MAG: variants seen among roughly 807,000 people sequenced by gnomAD.
The protein encoded by MAG is myelin associated glycoprotein, also known as myelin-associated glycoprotein.
Under a neutral mutation model 60.7 loss-of-function variants are expected in MAG, and 30 were observed. The observed-to-expected ratio is 0.49, with a 90% CI of 0.37 to 0.67. The LOEUF is 0.67. Among genes scored for constraint, MAG ranks in the 30% least tolerant of loss-of-function variants. The pLI is 0.00. For missense variants in MAG, 795 were observed against 851.7 expected (o/e 0.93, Z 0.83); for synonymous variants, 384 against 376.8 (o/e 1.02, Z -0.22).
At chr19:35,308,964 C>T (rs1276492084) in intron 7 of MAG, among the ~76,000 whole-genome samples, 2 of 152,128 alleles carry the variant, frequency 1.3e-5, no homozygotes, top group Non-Finnish European at 2.9e-5. Context: ...CAGGGCCAGA[C>T]CCTGTCTCTA....
chr19:35,292,508 G>C (rs988803666), intron 1 of MAG, among the ~76,000 whole-genome samples: 11 of 152,114 alleles, frequency 7.2e-5, no homozygotes, highest in Non-Finnish European at 1.3e-4. Flanking sequence ...CGGGGCAGAT[G>C]GGGTGGAGGA....
At chr19:35,302,318 G>A (rs1394701398) in intron 6 of MAG, 130 bp from the exon 7 acceptor site, 1 of 1,067,114 alleles carries the variant, frequency 9.4e-7, no homozygotes, top group Non-Finnish European at 1.4e-6. Flanking sequence ...CAGGACTGGG[G>A]TCACCTGAGC....
chr19:35,296,844 A>G (rs2066401763), intron 4 of MAG, among the ~76,000 whole-genome samples: 1 of 150,370 alleles, frequency 6.7e-6, no homozygotes, highest in Non-Finnish European at 1.5e-5. Context: ...ATCACACACT[A>G]CACAAACCAC....
In MAG at chr19:35,302,543, A is replaced by C. The variant is rs200065400; in HGVS notation, c.1066A>C (p.Ile356Leu). 1 of 1,614,216 alleles carries C rather than the reference A, an allele frequency of 6.2e-7. No homozygotes were observed. ...LCSTQSNPDP[I>L]LTIFKEKQIL... ...CTCCACACAGAGCAACCCGGACCCT[A>C]TTCTCACCATCTTCAAGGAGAAGCA... is the stretch of plus-strand genomic sequence containing the variant. Residue 356 changes from isoleucine to leucine, a missense_variant, in exon 7 of 11, where the codon ATT becomes CTT. Physicochemically the swap from Ile to Leu is conservative, Grantham distance 5 (BLOSUM62 2). Transcript: ENST00000392213.
In MAG at chr19:35,313,443, C is replaced by T. The variant is rs754745762; in HGVS notation, c.1870C>T (p.Arg624Trp). Residue 624 changes from arginine to tryptophan, a missense_variant, in exon 11 of 11, where the codon CGG becomes TGG. Arg to Trp is a moderately radical substitution (Grantham distance 101, BLOSUM62 -3). Transcript: ENST00000392213. Reference protein sequence around the residue: ...TEELAEYAEIRVK With the variant: ...TEELAEYAEIWVK ...GGAGCTAGCTGAGTATGCTGAAATCCGGGTCAAGTGAAGGAGCTGGGGGCA... is the reference window on the plus strand; with the variant it reads ...GGAGCTAGCTGAGTATGCTGAAATCTGGGTCAAGTGAAGGAGCTGGGGGCA... 2.0e-5 allele frequency: 32 copies of T among 1,612,298 alleles called. No individual in the cohort carries two copies. Among genetic ancestry groups the T allele is most frequent in the East Asian group, 1.1e-4 (5 of 44,810 alleles).
Position 35,295,326 on chromosome 19 carries a change from C to A in MAG, c.-23-60C>A. On this transcript the variant is annotated intron_variant, in intron 2 of 10. Coordinates refer to ENST00000392213, the MANE Select transcript of MAG (RefSeq NM_002361.4). This position sits in a 1 kb window ranked among gnomAD's most constrained non-coding sequence, Gnocchi z 5.8. ...ATATGAATGGGCCCCTTCCTGAAGC[C>A]CAGATGGAACACCCCCTTTCACTTC... 7.0e-7 allele frequency: 1 copy of A among 1,423,536 alleles called. No individual in the cohort carries two copies. The highest frequency in any genetic ancestry group is 1.2e-5 in the South Asian group (1 of 84,944). 88.2% of individuals were successfully genotyped at this position (1,423,536 alleles called of 1,614,324 possible). A position where few individuals can be genotyped will look rare whatever the true frequency, so the allele number is the denominator to read the frequency against.
intron 1 of MAG, among the ~76,000 whole-genome samples, chr19:35,292,831 C>T (rs1380780753): frequency 6.6e-6 from 1 of 151,974 alleles, no homozygotes; most frequent in African/African-American, 2.4e-5. Context: ...AACTTCTGGG[C>T]ACAAGAGATT....
chr19:35,312,328 A>G, intron 10 of MAG: 3 of 1,612,312 alleles, frequency 1.9e-6, no homozygotes, highest in Non-Finnish European at 2.5e-6. Context: ...CCCAGGAGGT[A>G]GGTTCCGGGG....
In MAG at chr19:35,295,560, G is replaced by A; in HGVS notation, c.47-53G>A. The A allele has an allele frequency of 6.3e-7, 1 of 1,596,810 alleles. No individual in the cohort carries two copies. The highest frequency in any genetic ancestry group is 1.1e-5 in the South Asian group (1 of 88,150). On this transcript the variant is annotated intron_variant, in intron 3 of 10. Transcript: ENST00000392213. This position sits in a 1 kb window ranked among gnomAD's most constrained non-coding sequence, Gnocchi z 5.8. The stretch of plus-strand genomic sequence containing the variant: ...TGTGGTTGGGGATGGGAGCCGGAGG[G>A]GGTGATCGGGTAGGACGTGTCCCTG...
intron 7 of MAG, 44 bp downstream of exon 7, chr19:35,302,752 T>TG (rs765382949): frequency 1.6e-5 from 25 of 1,598,338 alleles, no homozygotes; most frequent in Non-Finnish European, 2.0e-5. Context: ...GACGGTTCCG[T>TG]GGGGGACACC....
Position 35,299,788 on chromosome 19 carries a change from G to C in MAG, c.650G>C (p.Cys217Ser). Residue 217 changes from cysteine (C) to serine (S), a missense_variant, in exon 5 of 11, where the codon TGC (cysteine) becomes TCC (serine). By Grantham distance (112) the Cys-to-Ser change is moderately radical. Transcript: ENST00000392213. ...TREANGHRLGCQASFPNTTLQ... is the reference protein window; with the variant it reads ...TREANGHRLGSQASFPNTTLQ... The stretch of plus-strand genomic sequence containing the variant: ...GAGGCCAACGGCCACAGGCTGGGCT[G>C]CCAGGCCTCCTTCCCCAACACCACC... 6.5e-7 allele frequency: 1 copy of C among 1,543,322 alleles called. No individual in the cohort carries two copies. The highest frequency in any genetic ancestry group is 8.7e-7 in the Non-Finnish European group (1 of 1,148,932).
chr19:35,298,341 C>T (rs564163166), intron 4 of MAG, among the ~76,000 whole-genome samples: 4 of 150,126 alleles, frequency 2.7e-5, no homozygotes, highest in Admixed American at 1.3e-4. Flanking sequence ...ACACCACACA[C>T]TCTACCTACA....
chr19:35,313,619 T>C lies in MAG; in HGVS notation c.*165T>C. 1.6e-6 allele frequency: 1 copy of C among 619,486 alleles called. No individual in the cohort carries two copies. Among genetic ancestry groups the C allele is most frequent in the East Asian group, 2.9e-5 (1 of 34,952 alleles). 38.4% of individuals were successfully genotyped at this position (619,486 alleles called of 1,614,324 possible). Reference sequence around the variant, plus strand: ...GCCTGACCTCCCCCTCCTTCCCAGCTGCCCCTCCCTGCCAGCACCCCCACG... The same window carrying C: ...GCCTGACCTCCCCCTCCTTCCCAGCCGCCCCTCCCTGCCAGCACCCCCACG... On this transcript the variant is annotated 3_prime_UTR_variant, in exon 11 of 11. Coordinates refer to ENST00000392213, the MANE Select transcript of MAG (RefSeq NM_002361.4).
chr19:35,295,558 G>A lies in MAG; in HGVS notation c.47-55G>A. On this transcript the variant is annotated intron_variant, in intron 3 of 10. Transcript: ENST00000392213. The surrounding 1 kb of genome is among the most constrained non-coding windows in gnomAD (Gnocchi z 5.8). The stretch of plus-strand genomic sequence containing the variant: ...CATGTGGTTGGGGATGGGAGCCGGA[G>A]GGGGTGATCGGGTAGGACGTGTCCC... The A allele has an allele frequency of 1.3e-6, 2 of 1,596,806 alleles. No homozygotes were observed. The highest frequency in any genetic ancestry group is 2.7e-5 in the African/African-American group (2 of 74,840).
intron 7 of MAG, among the ~76,000 whole-genome samples, chr19:35,309,624 C>T (rs2066510138): frequency 6.6e-6 from 1 of 152,106 alleles, no homozygotes; most frequent in Non-Finnish European, 1.5e-5. Context: ...TTATCAGTGC[C>T]TGGGAATGTT....
rs979784482 is a variant in MAG, at chr19:35,305,210, G to A, written c.1231+2502G>A. On this transcript the variant is annotated intron_variant, in intron 7 of 10. Coordinates refer to ENST00000392213, the MANE Select transcript of MAG (RefSeq NM_002361.4). The stretch of plus-strand genomic sequence containing the variant: ...GTGTCAAAGTGCTTGCCCTTGGAGA[G>A]TGCGACCCTCAGGCCCCCTCCCTCT... Among the ~76,000 whole-genome samples the A allele has an allele frequency of 7.9e-5, 12 of 152,236 alleles. No individual in the cohort carries two copies. The South Asian group carries it at 1.5e-3, about 18-fold the overall frequency.
rs1198974224 is a variant in MAG, at chr19:35,299,582, G to A, written c.444G>A (p.Glu148=). ...VNTPNIVVPP[E]VVAGTEVEVS... ...CCCCCAACATCGTGGTGCCCCCAGA[G>A]GTGGTGGCAGGCACGGAGGTGGAGG... The change falls in exon 5 of 11, where the codon GAG becomes GAA. Residue 148 remains glutamate (E), a synonymous_variant. Transcript: ENST00000392213. 2 of 1,602,334 alleles carry A rather than the reference G, an allele frequency of 1.2e-6. No individual in the cohort carries two copies. The highest frequency in any genetic ancestry group is 1.7e-6 in the Non-Finnish European group (2 of 1,171,846).
Position 35,313,602 on chromosome 19 carries a change from T to C in MAG, c.*148T>C. 7 of 682,158 alleles carry C rather than the reference T, an allele frequency of 1.0e-5. No homozygotes were observed. Among genetic ancestry groups the C allele is most frequent in the Non-Finnish European group, 1.7e-5 (7 of 420,842 alleles). 42.3% of individuals were successfully genotyped at this position (682,158 alleles called of 1,614,324 possible). ...ACAGTGAGGTCCTGGGGGCCTGACCTCCCCCTCCTTCCCAGCTGCCCCTCC... is the reference window on the plus strand; with the variant it reads ...ACAGTGAGGTCCTGGGGGCCTGACCCCCCCCTCCTTCCCAGCTGCCCCTCC... On this transcript the variant is annotated 3_prime_UTR_variant, in exon 11 of 11. Coordinates refer to ENST00000392213, the MANE Select transcript of MAG (RefSeq NM_002361.4).
chr19:35,297,384 C>T (rs1023176465), intron 4 of MAG, among the ~76,000 whole-genome samples: 1 of 147,278 alleles, frequency 6.8e-6, no homozygotes, highest in Admixed American at 6.8e-5. Context: ...GCTACACACA[C>T]ACTACACACA....
Sources: allele counts gnomAD v4.1 joint callset (sites outside exome capture counted in the v4.1 genomes callset), GRCh38; gene constraint gnomAD v4.1.1; non-coding constraint Gnocchi (gnomAD v3.1); transcripts MANE v1.5; gene names NCBI Gene and HGNC (gene_info 2026-07-23, HGNC 2026-07-21).